Variants in FEZ2 observed in about 807,000 individuals in gnomAD.
FEZ2 encodes the protein fasciculation and elongation protein zeta-2.
In FEZ2, 51 loss-of-function variants were observed where a neutral mutation model predicts 40.4. The ratio of observed to expected loss-of-function variants is 1.26; its 90% CI spans 1.01 to 1.59. The LOEUF (loss-of-function observed/expected upper bound fraction) is 1.59, where lower values mean the gene tolerates loss of function less well. Among genes scored for constraint, FEZ2 ranks in the 40% most tolerant of loss-of-function variants. The pLI, the probability that FEZ2 is intolerant of heterozygous loss-of-function variation, is 0.00. For synonymous variants in FEZ2, 242 were observed against 172.0 expected, an observed-to-expected ratio of 1.41 and a Z score of -3.18; for missense variants, 640 against 438.3, an observed-to-expected ratio of 1.46 and a Z score of -4.11.
chr2:36,579,417 T>C (rs1668670615), intron 4 of FEZ2, among the ~76,000 whole-genome samples: 1 of 152,220 alleles, frequency 6.6e-6, no homozygotes, highest in South Asian at 2.1e-4. Context: ...AGAAATGTGA[T>C]GCTGGAGGTG....
At chr2:36,569,039 A>G (rs1668333435) in intron 5 of FEZ2, among the ~76,000 whole-genome samples, 1 of 152,178 alleles carries the variant, frequency 6.6e-6, no homozygotes, top group African/African-American at 2.4e-5. Flanking sequence ...CCACCTCTAA[A>G]TAACTCCACA....
rs1207820897 is a variant in FEZ2, at chr2:36,568,825, T to C, written c.903+9772A>G. Among the ~76,000 whole-genome samples, 9 of 152,318 alleles carry C rather than the reference T, an allele frequency of 5.9e-5. No individual in the cohort carries two copies. The East Asian group carries it at 1.2e-3, about 20-fold the overall frequency. ...TGGTTGTTTCCTTCCCTGGCATAAG[T>C]ATGTATTGAAAGTCTCAAAATCAGT... On this transcript the variant is annotated intron_variant, in intron 5 of 7. Coordinates refer to ENST00000405912, the MANE Select transcript of FEZ2 (RefSeq NM_005102.3).
chr2:36,565,899 G>T (rs1273087846), intron 5 of FEZ2, among the ~76,000 whole-genome samples: 1 of 152,088 alleles, frequency 6.6e-6, no homozygotes, highest in Non-Finnish European at 1.5e-5. Context: ...CTGCCCAGTT[G>T]TGACAACAAC....
chr2:36,577,334 C>A (rs996279014), intron 5 of FEZ2, among the ~76,000 whole-genome samples: 3 of 151,818 alleles, frequency 2.0e-5, no homozygotes, highest in Non-Finnish European at 4.4e-5. Context: ...CTTGGCTCAC[C>A]GCAATCTCCG....
At chr2:36,568,120 G>A (rs1299867102) in intron 5 of FEZ2, among the ~76,000 whole-genome samples, 1 of 151,730 alleles carries the variant, frequency 6.6e-6, no homozygotes, top group African/African-American at 2.4e-5. Flanking sequence ...CCAGAGGGAA[G>A]ATTTTCTCTA....
intron 2 of FEZ2, 139 bp downstream of exon 2, chr2:36,590,764 A>T (rs574129497): frequency 1.6e-6 from 1 of 618,804 alleles, no homozygotes; most frequent in Non-Finnish European, 2.9e-6. Flanking sequence ...CCAAGACATC[A>T]AGACAGAGCC....
At chr2:36,579,460 C>A (rs527552305) in intron 4 of FEZ2, among the ~76,000 whole-genome samples, 5 of 152,066 alleles carry the variant, frequency 3.3e-5, no homozygotes, top group Admixed American at 6.5e-5. Flanking sequence ...ATCATGAGGG[C>A]AATTTCTAAC....
intron 2 of FEZ2, among the ~76,000 whole-genome samples, chr2:36,584,603 T>A (rs947449166): frequency 6.6e-6 from 1 of 152,008 alleles, no homozygotes; most frequent in African/African-American, 2.4e-5. Context: ...ACACACTGAG[T>A]TTCCAAAGAA....
At chr2:36,562,179 T>C (rs1031838931) in intron 5 of FEZ2, among the ~76,000 whole-genome samples, 2 of 152,236 alleles carry the variant, frequency 1.3e-5, no homozygotes, top group African/African-American at 2.4e-5. Context: ...TATTTTTTCA[T>C]GATTTTGTAA....
At position 36,570,921 on chromosome 2, in the gene FEZ2, C is replaced by T. The variant is rs1012682596; in HGVS notation, c.903+7676G>A. ...ACAAGAAGAACACAATTTCCTGGCA[C>T]ATTACAGCTTTTATGTGAACTTGTT... On this transcript the variant is annotated intron_variant, in intron 5 of 7. Coordinates refer to ENST00000405912, the MANE Select transcript of FEZ2 (RefSeq NM_005102.3). Among the ~76,000 whole-genome samples, 4 of 152,190 alleles carry T rather than the reference C, an allele frequency of 2.6e-5. No individual in the cohort carries two copies. The East Asian group carries it at 5.8e-4, about 22-fold the overall frequency.
At chr2:36,581,269 G>C (rs1302614817) in intron 4 of FEZ2, 21 bp downstream of exon 4, 8 of 1,607,622 alleles carry the variant, frequency 5.0e-6, no homozygotes, top group Non-Finnish European at 6.0e-6. Context: ...AGAAATCATT[G>C]ATTTCAGCAG....
At chr2:36,584,897 G>A (rs544021537) in intron 2 of FEZ2, among the ~76,000 whole-genome samples, 1 of 152,258 alleles carries the variant, frequency 6.6e-6, no homozygotes, top group African/African-American at 2.4e-5. Flanking sequence ...CCAACATTAG[G>A]CTGGGAGAAG....
chr2:36,582,945 A>G (rs973613933), intron 3 of FEZ2, among the ~76,000 whole-genome samples: 1 of 152,246 alleles, frequency 6.6e-6, no homozygotes, highest in Non-Finnish European at 1.5e-5. Context: ...TGGGGCACAC[A>G]ATATGTTACT....
At chr2:36,579,093 C>T in intron 4 of FEZ2, 1 of 455,608 alleles carries the variant, frequency 2.2e-6, no homozygotes, top group Non-Finnish European at 3.8e-6. Context: ...CACTTCTCAG[C>T]TTGCTGGCAA....
At chr2:36,585,332 C>A (rs1013897038) in intron 2 of FEZ2, among the ~76,000 whole-genome samples, 1 of 151,994 alleles carries the variant, frequency 6.6e-6, no homozygotes, top group African/African-American at 2.4e-5. Flanking sequence ...CAAAAAGCTA[C>A]CAGGAGGAAA....
chr2:36,597,520 C>T (rs1026559050), intron 1 of FEZ2, among the ~76,000 whole-genome samples: 1 of 152,136 alleles, frequency 6.6e-6, no homozygotes, highest in African/African-American at 2.4e-5. Flanking sequence ...TTAATAAATG[C>T]GACTTGAGTG....
intron 1 of FEZ2, among the ~76,000 whole-genome samples, chr2:36,591,924 T>C (rs1256946248): frequency 6.6e-6 from 1 of 152,180 alleles, no homozygotes; most frequent in East Asian, 1.9e-4. Flanking sequence ...ATGAGGTGTA[T>C]TGAAGAGAGT....
At chr2:36,553,390 G>C (rs1252569274) in intron 7 of FEZ2, among the ~76,000 whole-genome samples, 2 of 152,154 alleles carry the variant, frequency 1.3e-5, no homozygotes, top group Admixed American at 1.3e-4. Flanking sequence ...CCAGAAATGA[G>C]ATACCAAAAG....
At chr2:36,558,245 T>C in intron 6 of FEZ2, 193 bp downstream of exon 6, 1 of 380,576 alleles carries the variant, frequency 2.6e-6, no homozygotes, top group Non-Finnish European at 4.7e-6. Flanking sequence ...AAAGTACAAA[T>C]CAACACTAGA....
Sources: allele counts gnomAD v4.1 joint callset (sites outside exome capture counted in the v4.1 genomes callset), GRCh38; gene constraint gnomAD v4.1.1; transcripts MANE v1.5; gene names NCBI Gene and HGNC (gene_info 2026-07-23, HGNC 2026-07-21).